The following TMEM132D variants were observed in gnomAD, a reference collection of about 807,000 sequenced individuals.
TMEM132D encodes the protein mature OL transmembrane protein.
A neutral mutation model predicts 62.3 loss-of-function variants in TMEM132D; 21 were observed. The ratio of observed to expected loss-of-function variants is 0.34; its 90% CI spans 0.24 to 0.49. The LOEUF is 0.49. Ranked by LOEUF, TMEM132D falls within the 20% of genes least tolerant of loss-of-function variation. The probability of loss-of-function intolerance (pLI) is 0.99; values close to 1 mark genes in which losing one functional copy is unlikely to be tolerated. For synonymous variants in TMEM132D, 621 were observed against 575.6 expected, an observed-to-expected ratio of 1.08 and a Z score of -1.13; for missense variants, 1,346 against 1,402.8, an observed-to-expected ratio of 0.96 and a Z score of 0.65.
At chr12:129,627,601 A>G (rs1200932017) in intron 2 of TMEM132D, among the ~76,000 whole-genome samples, 2 of 152,186 alleles carry the variant, frequency 1.3e-5, no homozygotes, top group African/African-American at 4.8e-5. Context: ...ACTAACATAT[A>G]CACACAATAT....
At chr12:129,819,946 G>T (rs76366042) in intron 1 of TMEM132D, among the ~76,000 whole-genome samples, 5,982 of 152,194 alleles carry the variant, frequency 0.039, 169 homozygotes, top group South Asian at 0.059. Flanking sequence ...TTCCAAGACC[G>T]CACGTGCACC....
chr12:129,542,487 A>C (rs1454998191), intron 2 of TMEM132D, among the ~76,000 whole-genome samples: 1 of 152,196 alleles, frequency 6.6e-6, no homozygotes, highest in African/African-American at 2.4e-5. Flanking sequence ...TTTCATTGAA[A>C]AATGGTATAG....
chr12:129,764,665 G>A (rs766240856), intron 1 of TMEM132D, among the ~76,000 whole-genome samples: 1 of 152,154 alleles, frequency 6.6e-6, no homozygotes, highest in Non-Finnish European at 1.5e-5. Context: ...CCCTGCCTGG[G>A]CACAGTAGGT....
intron 1 of TMEM132D, among the ~76,000 whole-genome samples, chr12:129,868,191 T>C (rs1874121361): frequency 1.3e-5 from 2 of 152,026 alleles, no homozygotes; most frequent in Admixed American, 6.5e-5. Flanking sequence ...CGAGACAGCA[T>C]TTGTATGGTA....
chr12:129,869,573 C>G (rs1043346752), intron 1 of TMEM132D, among the ~76,000 whole-genome samples: 6 of 151,992 alleles, frequency 3.9e-5, no homozygotes, highest in Non-Finnish European at 7.4e-5. Context: ...TGGGTTTTTC[C>G]TGAATATTTT....
intron 1 of TMEM132D, among the ~76,000 whole-genome samples, chr12:129,787,596 A>G (rs772292009): frequency 6.6e-6 from 1 of 152,208 alleles, no homozygotes; most frequent in Non-Finnish European, 1.5e-5. Context: ...CCATTTCAAG[A>G]AGGGCCACTT....
chr12:129,094,700 A>G (rs1565962213), intron 5 of TMEM132D, among the ~76,000 whole-genome samples: 1 of 152,250 alleles, frequency 6.6e-6, no homozygotes, highest in Non-Finnish European at 1.5e-5. Flanking sequence ...CCAAAGGATT[A>G]TAAATCATGC....
intron 2 of TMEM132D, among the ~76,000 whole-genome samples, chr12:129,620,823 G>A (rs1017529753): frequency 6.6e-6 from 1 of 152,112 alleles, no homozygotes. Context: ...GCCCTCTTGG[G>A]GGATGAGGAA....
At chr12:129,767,295 T>C (rs562993685) in intron 1 of TMEM132D, among the ~76,000 whole-genome samples, 1 of 152,320 alleles carries the variant, frequency 6.6e-6, no homozygotes, top group Admixed American at 6.5e-5. Context: ...ACATGCATGC[T>C]TTTCTCCAGT....
At chr12:129,173,004 G>T (rs1877781280) in intron 5 of TMEM132D, among the ~76,000 whole-genome samples, 1 of 152,160 alleles carries the variant, frequency 6.6e-6, no homozygotes, top group Non-Finnish European at 1.5e-5. Context: ...CATCTTCTAT[G>T]GGTGGGATTT....
rs564726182 is a variant in TMEM132D, at chr12:129,351,503, C to T, written c.1116-13686G>A. On this transcript the variant is annotated intron_variant, in intron 3 of 8. Transcript: ENST00000422113. The stretch of plus-strand genomic sequence containing the variant: ...CCTATGGCTTTGGACATTTTAACAG[C>T]GGCCCAAGAGGGAACTTGTGCTTTG... Among the ~76,000 whole-genome samples the T allele has an allele frequency of 5.9e-5, 9 of 152,258 alleles. No individual in the cohort carries two copies. In the East Asian group the frequency reaches 7.7e-4, roughly 13 times the overall value.
At chr12:129,872,912 G>A (rs138877989) in intron 1 of TMEM132D, among the ~76,000 whole-genome samples, 125 of 152,324 alleles carry the variant, frequency 8.2e-4, no homozygotes, top group African/African-American at 2.9e-3. Flanking sequence ...CGAGGCAGAT[G>A]AAGAAAGAGA....
intron 3 of TMEM132D, among the ~76,000 whole-genome samples, chr12:129,362,005 T>A (rs1242851873): frequency 6.6e-6 from 1 of 152,182 alleles, no homozygotes. Flanking sequence ...TTTACTTATT[T>A]ATTTATTTTT....
chr12:129,420,800 T>A (rs7132705), intron 3 of TMEM132D, among the ~76,000 whole-genome samples: 1 of 151,888 alleles, frequency 6.6e-6, no homozygotes, highest in South Asian at 2.1e-4. Context: ...ATTGAACACT[T>A]CGTGGGAATG....
At chr12:129,556,240 C>T (rs137908722) in intron 2 of TMEM132D, among the ~76,000 whole-genome samples, 123 of 152,238 alleles carry the variant, frequency 8.1e-4, no homozygotes, top group Admixed American at 3.2e-3. Flanking sequence ...CACCGCTGCT[C>T]GTCTCACCCA....
chr12:129,385,837 A>G (rs1477966418), intron 3 of TMEM132D, among the ~76,000 whole-genome samples: 1 of 152,116 alleles, frequency 6.6e-6, no homozygotes, highest in Non-Finnish European at 1.5e-5. Flanking sequence ...TACTTAACTT[A>G]CTCTCCAGAG....
Position 129,619,831 on chromosome 12 carries a change from T to C in TMEM132D, c.968+79979A>G, listed in dbSNP as rs370903954. 2.1e-3 allele frequency among the ~76,000 whole-genome samples: 320 copies of C among 152,314 alleles called. 11 individuals carry two copies. In the South Asian group the frequency reaches 0.064, roughly 31 times the overall value. On this transcript the variant is annotated intron_variant, in intron 2 of 8. Transcript: ENST00000422113. The stretch of plus-strand genomic sequence containing the variant: ...GTAATCATTTTCTTCTTAAATATCA[T>C]CAGAAATAGTTTAAAAGGACATTTC...
intron 3 of TMEM132D, among the ~76,000 whole-genome samples, chr12:129,455,119 G>A (rs7487434): frequency 0.98 from 148,947 of 152,342 alleles, 72,909 homozygotes; most frequent in East Asian, 1. Flanking sequence ...GGGAAACTGC[G>A]TCTATCCAAT....
At chr12:129,437,317 C>A (rs138906646) in intron 3 of TMEM132D, among the ~76,000 whole-genome samples, 16 of 152,246 alleles carry the variant, frequency 1.1e-4, no homozygotes, top group African/African-American at 3.4e-4. Context: ...TCCCAGGGAG[C>A]AGAGCCCTTG....
Sources: allele counts gnomAD v4.1 joint callset (sites outside exome capture counted in the v4.1 genomes callset), GRCh38; gene constraint gnomAD v4.1.1; transcripts MANE v1.5; gene names NCBI Gene and HGNC (gene_info 2026-07-23, HGNC 2026-07-21).